FBXO8: variants seen among roughly 807,000 people sequenced by gnomAD.
FBXO8 encodes the protein F-box protein 8, also known as F-box only protein 8.
Under a neutral mutation model 33.4 loss-of-function variants are expected in FBXO8, and 15 were observed. The observed-to-expected ratio is 0.45, with a 90% CI of 0.30 to 0.69. The LOEUF is 0.69. FBXO8 is among the 30% of genes least tolerant of loss of function. FBXO8 has a pLI of 0.08. For synonymous variants in FBXO8, 132 were observed against 131.5 expected (o/e 1.00, Z -0.02); for missense variants, 274 against 380.3 (o/e 0.72, Z 2.32).
In FBXO8 at chr4:174,255,889, A is replaced by G. The variant is rs916771984; in HGVS notation, c.456+3810T>C. On this transcript the variant is annotated intron_variant, in intron 3 of 5. Coordinates refer to ENST00000393674, the MANE Select transcript of FBXO8 (RefSeq NM_012180.3). This position sits in a 1 kb window ranked among gnomAD's most constrained non-coding sequence, Gnocchi z 4.3. ...GGAAAATACAACTTAATGTAAACAG[A>G]TGGTTTTCAGCACATTCCTTTACTA... 1 of 251,952 alleles carries G rather than the reference A, an allele frequency of 4.0e-6. No individual in the cohort carries two copies. The highest frequency in any genetic ancestry group is 4.8e-5 in the South Asian group (1 of 20,722). 15.6% of individuals were successfully genotyped at this position (251,952 alleles called of 1,614,324 possible).
intron 3 of FBXO8, among the ~76,000 whole-genome samples, chr4:174,249,938 G>A (rs1736249079): frequency 6.6e-6 from 1 of 151,958 alleles, no homozygotes; most frequent in Admixed American, 6.6e-5. Context: ...CATTCGTCAG[G>A]TGTCATATAG....
intron 3 of FBXO8, among the ~76,000 whole-genome samples, chr4:174,243,238 C>G (rs1312836127): frequency 6.6e-6 from 1 of 151,270 alleles, no homozygotes. Context: ...CAATCAAATA[C>G]ATAGAAGCAG....
At chr4:174,258,516 T>C (rs535000075) in intron 3 of FBXO8, among the ~76,000 whole-genome samples, 1 of 152,210 alleles carries the variant, frequency 6.6e-6, no homozygotes, top group African/African-American at 2.4e-5. Context: ...CTTTAAATAG[T>C]GATGAAAGAA....
At position 174,275,202 on chromosome 4, in the gene FBXO8, A is replaced by G. The variant is rs973105869; in HGVS notation, c.-9+8208T>C. On this transcript the variant is annotated intron_variant, in intron 1 of 5. Coordinates refer to ENST00000393674, the MANE Select transcript of FBXO8 (RefSeq NM_012180.3). This position sits in a 1 kb window ranked among gnomAD's most constrained non-coding sequence, Gnocchi z 4.4. ...AAATAAGCACATGGTAAGATGGTCA[A>G]CATCATTAGCCAGGAGAGAGGTGCG... Among the ~76,000 whole-genome samples the G allele has an allele frequency of 1.3e-5, 2 of 152,226 alleles. No homozygotes were observed. Among genetic ancestry groups the G allele is most frequent in the Admixed American group, 6.5e-5 (1 of 15,278 alleles).
In FBXO8 at chr4:174,241,822, G is replaced by C. The variant is rs1328088717; in HGVS notation, c.457-604C>G. Among the ~76,000 whole-genome samples the C allele has an allele frequency of 6.6e-6, 1 of 151,388 alleles. No individual in the cohort carries two copies. Among genetic ancestry groups the C allele is most frequent in the African/African-American group, 2.4e-5 (1 of 41,340 alleles). On this transcript the variant is annotated intron_variant, in intron 3 of 5. Coordinates refer to ENST00000393674, the MANE Select transcript of FBXO8 (RefSeq NM_012180.3). This position sits in a 1 kb window ranked among gnomAD's most constrained non-coding sequence, Gnocchi z 4.2. ...AACCTAGCTACAATACACACTGAGG[G>C]AAAACATAGTAAGACAAAACAATTC...
At position 174,263,752 on chromosome 4, in the gene FBXO8, T is replaced by C. The variant is rs1044071477; in HGVS notation, c.-8-652A>G. On this transcript the variant is annotated intron_variant, in intron 1 of 5. Transcript: ENST00000393674. This position sits in a 1 kb window ranked among gnomAD's most constrained non-coding sequence, Gnocchi z 4.2. ...TTTTGTTGTTGCCTTAAATTAAAAA[T>C]TGTAATTTAGAGAAATTTTCTAATT... Among the ~76,000 whole-genome samples, 1 of 152,292 alleles carries C rather than the reference T, an allele frequency of 6.6e-6. No homozygotes were observed. Among genetic ancestry groups the C allele is most frequent in the African/African-American group, 2.4e-5 (1 of 41,570 alleles).
At chr4:174,238,770 TATAC>T (rs70947420) in intron 5 of FBXO8, among the ~76,000 whole-genome samples, 242 of 107,168 alleles carry the variant, frequency 2.3e-3, no homozygotes, top group Middle Eastern at 0.014. Flanking sequence ...TATATATATA[TATAC>T]ACACACACAC....
intron 1 of FBXO8, among the ~76,000 whole-genome samples, chr4:174,280,246 T>A (rs1737048688): frequency 6.6e-6 from 1 of 151,946 alleles, no homozygotes; most frequent in Non-Finnish European, 1.5e-5. Flanking sequence ...ACAGTCAACA[T>A]CACTAATCAT....
rs1450489196 is a variant in FBXO8 at position 174,236,962 on chromosome 4, AACTCAGTTTGAGAGAAAAG to A, written c.*431_*449del. ...CAGATCAGAATCAAATAAATTTCAGAACTCAGTTTGAGAGAAAAGGAAAAACTTTAGTTAAAATCTTTAC... is the reference window on the plus strand; with the variant it reads ...CAGATCAGAATCAAATAAATTTCAGAGAAAAACTTTAGTTAAAATCTTTAC... On this transcript the variant is annotated 3_prime_UTR_variant, in exon 6 of 6. Transcript: ENST00000393674. 1 of 152,382 alleles carries A rather than the reference AACTCAGTTTGAGAGAAAAG, an allele frequency of 6.6e-6. No homozygotes were observed. Among genetic ancestry groups the A allele is most frequent in the Admixed American group, 6.5e-5 (1 of 15,290 alleles). 9.4% of individuals were successfully genotyped at this position (152,382 alleles called of 1,614,324 possible). A position where few individuals can be genotyped will look rare whatever the true frequency, so the allele number is the denominator to read the frequency against.
intron 3 of FBXO8, among the ~76,000 whole-genome samples, chr4:174,248,516 C>A (rs903179753): frequency 6.6e-6 from 1 of 151,940 alleles, no homozygotes; most frequent in African/African-American, 2.4e-5. Context: ...GTCTAAATAG[C>A]AGATTTCAGT....
Position 174,253,774 on chromosome 4 carries a change from C to T in FBXO8, c.456+5925G>A, listed in dbSNP as rs143554672. Among the ~76,000 whole-genome samples, 9 of 152,238 alleles carry T rather than the reference C, an allele frequency of 5.9e-5. No individual in the cohort carries two copies. The highest frequency in any genetic ancestry group is 1.7e-4 in the African/African-American group (7 of 41,540). On this transcript the variant is annotated intron_variant, in intron 3 of 5. Coordinates refer to ENST00000393674, the MANE Select transcript of FBXO8 (RefSeq NM_012180.3). The surrounding 1 kb of genome is among the most constrained non-coding windows in gnomAD (Gnocchi z 4.5). ...GTTCTATAAGAAATGAGTAGAAGTACGCCAAAGGCTTCTCAAAAAGATTTT... is the reference window on the plus strand; with the variant it reads ...GTTCTATAAGAAATGAGTAGAAGTATGCCAAAGGCTTCTCAAAAAGATTTT...
In FBXO8 at chr4:174,255,854, G is replaced by A. The variant is rs747545560; in HGVS notation, c.456+3845C>T. On this transcript the variant is annotated intron_variant, in intron 3 of 5. Transcript: ENST00000393674. The surrounding 1 kb of genome is among the most constrained non-coding windows in gnomAD (Gnocchi z 4.3). ...GGAATAAAATTGACACACACAACTT[G>A]TACATGCAGGGAAAATACAACTTAA... is the stretch of plus-strand genomic sequence containing the variant. Among the ~76,000 whole-genome samples the A allele has an allele frequency of 2.6e-5, 4 of 152,156 alleles. No homozygotes were observed. The highest frequency in any genetic ancestry group is 4.4e-5 in the Non-Finnish European group (3 of 68,018).
chr4:174,238,944 T>C lies in FBXO8; in HGVS notation c.772+50A>G, dbSNP rs753863604. On this transcript the variant is annotated intron_variant, in intron 5 of 5. Coordinates refer to ENST00000393674, the MANE Select transcript of FBXO8 (RefSeq NM_012180.3). ...CAAATGTCTCATATATCTCTGTTTT[T>C]ACCTAAAGATGGGCAGGGGGTGATG... 4.3e-6 allele frequency: 5 copies of C among 1,149,848 alleles called. No individual in the cohort carries two copies. In the South Asian group the frequency reaches 1.1e-4, roughly 25 times the overall value. The allele number at this position is 1,149,848 out of a possible 1,614,324, so 71.2% of individuals were successfully genotyped here.
At chr4:174,244,022 A>G (rs1736104981) in intron 3 of FBXO8, among the ~76,000 whole-genome samples, 1 of 151,552 alleles carries the variant, frequency 6.6e-6, no homozygotes, top group East Asian at 1.9e-4. Context: ...ACATAGGAGT[A>G]TTAGGCCAGA....
In FBXO8 at chr4:174,253,945, C is replaced by G. The variant is rs1193627826; in HGVS notation, c.456+5754G>C. On this transcript the variant is annotated intron_variant, in intron 3 of 5. Transcript: ENST00000393674. This position sits in a 1 kb window ranked among gnomAD's most constrained non-coding sequence, Gnocchi z 4.5. ...AAGAGAGGGTGAAAGTCAACACACT[C>G]AGGTCCATCAAGAGATCATCATCTC... 1.3e-5 allele frequency among the ~76,000 whole-genome samples: 2 copies of G among 152,126 alleles called. No homozygotes were observed. Among genetic ancestry groups the G allele is most frequent in the African/African-American group, 4.8e-5 (2 of 41,406 alleles).
At chr4:174,244,084 A>G (rs1736105987) in intron 3 of FBXO8, among the ~76,000 whole-genome samples, 1 of 151,688 alleles carries the variant, frequency 6.6e-6, no homozygotes, top group African/African-American at 2.4e-5. Context: ...AGGATATCTA[A>G]AAGACTGTGT....
In FBXO8 at chr4:174,262,693, T is replaced by C; in HGVS notation, c.329+71A>G. 4 of 1,310,614 alleles carry C rather than the reference T, an allele frequency of 3.1e-6. No individual in the cohort carries two copies. Among genetic ancestry groups the C allele is most frequent in the South Asian group, 2.8e-5 (2 of 72,618 alleles). The allele number at this position is 1,310,614 out of a possible 1,614,324, so 81.2% of individuals were successfully genotyped here. ...TAAAGAAAATATTTTGTAATATACA[T>C]TATAAAAAGAACATTGAAGCATGAT... On this transcript the variant is annotated intron_variant, in intron 2 of 5. Coordinates refer to ENST00000393674, the MANE Select transcript of FBXO8 (RefSeq NM_012180.3). The surrounding 1 kb of genome is among the most constrained non-coding windows in gnomAD (Gnocchi z 4.6).
rs915092578 is a variant in FBXO8 at position 174,255,583 on chromosome 4, T to C, written c.456+4116A>G. On this transcript the variant is annotated intron_variant, in intron 3 of 5. Transcript: ENST00000393674. This position sits in a 1 kb window ranked among gnomAD's most constrained non-coding sequence, Gnocchi z 4.3. ...TAAATACCAGAAAAATGTGCTTACATAGTCATTAAAAAAAAAAACTTGTTA... is the reference window on the plus strand; with the variant it reads ...TAAATACCAGAAAAATGTGCTTACACAGTCATTAAAAAAAAAAACTTGTTA... Among the ~76,000 whole-genome samples, 2 of 151,470 alleles carry C rather than the reference T, an allele frequency of 1.3e-5. No homozygotes were observed. The highest frequency in any genetic ancestry group is 6.6e-5 in the Admixed American group (1 of 15,228).
chr4:174,279,619 C>A (rs549608130), intron 1 of FBXO8, among the ~76,000 whole-genome samples: 1 of 152,104 alleles, frequency 6.6e-6, no homozygotes, highest in African/African-American at 2.4e-5. Context: ...GCTACAGTAA[C>A]CAAAACAGTA....
Sources: allele counts gnomAD v4.1 joint callset (sites outside exome capture counted in the v4.1 genomes callset), GRCh38; gene constraint gnomAD v4.1.1; non-coding constraint Gnocchi (gnomAD v3.1); transcripts MANE v1.5; gene names NCBI Gene and HGNC (gene_info 2026-07-23, HGNC 2026-07-21).